Variants in CFAP299 observed in about 807,000 individuals in gnomAD.
The protein encoded by CFAP299 is cilia and flagella associated protein 299.
CFAP299 carries 21 observed loss-of-function variants against 27.0 expected under a neutral mutation model. The observed-to-expected ratio is 0.78, with a 90% CI of 0.55 to 1.12. The LOEUF (loss-of-function observed/expected upper bound fraction) is 1.12, where lower values mean the gene tolerates loss of function less well. Ranked by LOEUF, CFAP299 falls within the 50% of genes most tolerant of loss-of-function variation. The probability of loss-of-function intolerance (pLI) is 0.00; values close to 1 mark genes in which losing one functional copy is unlikely to be tolerated. For missense variants in CFAP299, 310 were observed against 276.6 expected (o/e 1.12, Z -0.86); for synonymous variants, 104 against 98.1 (o/e 1.06, Z -0.36).
At chr4:80,381,119 T>C (rs1724676073) in intron 2 of CFAP299, among the ~76,000 whole-genome samples, 1 of 152,224 alleles carries the variant, frequency 6.6e-6, no homozygotes, top group South Asian at 2.1e-4. Context: ...CTTCTGGGCT[T>C]TTAGCTCCAT....
chr4:80,511,090 G>A (rs1029648272), intron 2 of CFAP299, among the ~76,000 whole-genome samples: 5 of 152,214 alleles, frequency 3.3e-5, no homozygotes, highest in African/African-American at 1.2e-4. Flanking sequence ...AATATAATGC[G>A]GTGATTAGGA....
At chr4:80,598,166 T>C (rs989028756) in intron 3 of CFAP299, among the ~76,000 whole-genome samples, 2 of 152,176 alleles carry the variant, frequency 1.3e-5, no homozygotes, top group African/African-American at 4.8e-5. Context: ...GATGTTATGC[T>C]AAAGAGTTTA....
intron 3 of CFAP299, chr4:80,790,392 G>C (rs1378921813): frequency 6.6e-6 from 1 of 151,926 alleles, no homozygotes; most frequent in African/African-American, 2.4e-5. Flanking sequence ...AACCCATCTT[G>C]AATCATGCTA....
chr4:80,865,975 G>A (rs899018145), intron 3 of CFAP299, among the ~76,000 whole-genome samples: 12 of 145,610 alleles, frequency 8.2e-5, no homozygotes, highest in African/African-American at 1.0e-4. Context: ...GGTAAATGAC[G>A]AGTTAATGGG....
intron 2 of CFAP299, among the ~76,000 whole-genome samples, chr4:80,572,506 A>AGTTTTTTTTTT (rs1735631899): frequency 3.5e-5 from 1 of 28,262 alleles, no homozygotes; most frequent in Non-Finnish European, 1.1e-4. Context: ...ACTGGATCCC[A>AGTTTTTTTTTT]GTTTTTTTTT....
chr4:80,650,875 G>C (rs113763853), intron 3 of CFAP299, among the ~76,000 whole-genome samples: 3 of 151,984 alleles, frequency 2.0e-5, no homozygotes, highest in Non-Finnish European at 2.9e-5. Context: ...GGATGGGAAG[G>C]GGGTGCGGGA....
chr4:80,805,401 C>T (rs1267692876), intron 3 of CFAP299, among the ~76,000 whole-genome samples: 1 of 151,970 alleles, frequency 6.6e-6, no homozygotes, highest in Non-Finnish European at 1.5e-5. Context: ...GAATTAAATG[C>T]TTTATCAAAG....
chr4:80,496,202 G>A (rs1383802486), intron 2 of CFAP299, among the ~76,000 whole-genome samples: 4 of 151,940 alleles, frequency 2.6e-5, no homozygotes, highest in Admixed American at 1.3e-4. Context: ...TTTTTTAAAC[G>A]TCTACACTCT....
At chr4:80,673,003 A>G (rs1291837934) in intron 3 of CFAP299, among the ~76,000 whole-genome samples, 1 of 147,188 alleles carries the variant, frequency 6.8e-6, no homozygotes, top group Non-Finnish European at 1.5e-5. Context: ...TTGTGTCTCT[A>G]TCTCCTTCAG....
intron 3 of CFAP299, among the ~76,000 whole-genome samples, chr4:80,684,637 A>T (rs1720069003): frequency 6.6e-6 from 1 of 152,194 alleles, no homozygotes; most frequent in Non-Finnish European, 1.5e-5. Flanking sequence ...TCAAAGAGTC[A>T]TTATAGTATC....
chr4:80,612,006 C>T (rs145529734), intron 3 of CFAP299, among the ~76,000 whole-genome samples: 175 of 152,100 alleles, frequency 1.2e-3, no homozygotes, highest in Middle Eastern at 6.8e-3. Context: ...ATTCACAAAT[C>T]GTCGATGATG....
intron 4 of CFAP299, among the ~76,000 whole-genome samples, chr4:80,917,172 T>G (rs1735808958): frequency 6.6e-6 from 1 of 152,014 alleles, no homozygotes; most frequent in South Asian, 2.1e-4. Flanking sequence ...GTGGGAGAGA[T>G]GAGTAAGTTT....
intron 2 of CFAP299, among the ~76,000 whole-genome samples, chr4:80,413,017 T>A (rs1726803620): frequency 6.6e-6 from 1 of 152,250 alleles, no homozygotes; most frequent in Non-Finnish European, 1.5e-5. Flanking sequence ...GATTTCAGTC[T>A]TTTTGAATGG....
intron 3 of CFAP299, among the ~76,000 whole-genome samples, chr4:80,754,987 T>C (rs1474145555): frequency 6.6e-6 from 1 of 152,160 alleles, no homozygotes; most frequent in East Asian, 1.9e-4. Flanking sequence ...TAGATATTAA[T>C]TTTTAAGTCA....
intron 2 of CFAP299, among the ~76,000 whole-genome samples, chr4:80,438,810 TAA>T (rs1159344172): frequency 2.6e-5 from 4 of 152,234 alleles, no homozygotes; most frequent in African/African-American, 4.8e-5. Flanking sequence ...GTAAATGTAT[TAA>T]GTCATTCCAT....
At chr4:80,668,558 G>C (rs1741260304) in intron 3 of CFAP299, among the ~76,000 whole-genome samples, 1 of 152,136 alleles carries the variant, frequency 6.6e-6, no homozygotes, top group Non-Finnish European at 1.5e-5. Flanking sequence ...TAAAGAGACT[G>C]TTCATTCCCC....
Position 80,383,591 on chromosome 4 carries a change from G to A in CFAP299, c.242+20707G>A, listed in dbSNP as rs573636174. Among the ~76,000 whole-genome samples the A allele has an allele frequency of 9.9e-5, 15 of 152,224 alleles. No individual in the cohort carries two copies. The South Asian group carries it at 3.1e-3, about 32-fold the overall frequency. ...AAGAGCAACTCTGTTTTGACCTGTA[G>A]GATCAATAATAAATTTTGTAATGTT... On this transcript the variant is annotated intron_variant, in intron 2 of 5. Transcript: ENST00000358105.
chr4:80,595,503 G>C (rs952977240), intron 3 of CFAP299, among the ~76,000 whole-genome samples: 1 of 152,098 alleles, frequency 6.6e-6, no homozygotes, highest in Non-Finnish European at 1.5e-5. Context: ...TCCAAAATTT[G>C]TATGTATCTG....
intron 3 of CFAP299, among the ~76,000 whole-genome samples, chr4:80,843,986 G>A (rs1251839525): frequency 6.6e-6 from 1 of 152,002 alleles, no homozygotes; most frequent in Non-Finnish European, 1.5e-5. Flanking sequence ...TCCCACCTAT[G>A]AGTGAGAACA....
Sources: gnomAD v4.1 joint callset for allele counts (sites outside exome capture counted in the v4.1 genomes callset) on GRCh38, gnomAD v4.1.1 for gene constraint, MANE v1.5 for transcripts, NCBI Gene and HGNC (gene_info 2026-07-23, HGNC 2026-07-21) for gene names.